Variants in UNC13C observed in about 807,000 individuals in gnomAD.
UNC13C encodes the protein protein unc-13 homolog C.
Under a neutral mutation model 245.4 loss-of-function variants are expected in UNC13C, and 174 were observed. The ratio of observed to expected loss-of-function variants is 0.71; its 90% CI spans 0.63 to 0.80. The LOEUF (loss-of-function observed/expected upper bound fraction) is 0.80. Among genes scored for constraint, UNC13C ranks in the 30% least tolerant of loss-of-function variants. UNC13C has a pLI of 0.00. For missense variants in UNC13C, 2,829 were observed against 2,602.9 expected, an observed-to-expected ratio of 1.09 and a Z score of -1.89; for synonymous variants, 992 against 895.1, an observed-to-expected ratio of 1.11 and a Z score of -1.93.
intron 18 of UNC13C, among the ~76,000 whole-genome samples, chr15:54,411,257 CAT>C (rs1245982864): frequency 1.3e-5 from 2 of 152,100 alleles, no homozygotes; most frequent in African/African-American, 4.8e-5. Context: ...TTATCAGTCA[CAT>C]GTTTTGCAAA....
At chr15:54,199,664 A>G (rs2141343114) in intron 4 of UNC13C, among the ~76,000 whole-genome samples, 1 of 152,256 alleles carries the variant, frequency 6.6e-6, no homozygotes, top group East Asian at 1.9e-4. Flanking sequence ...CACTACCAAG[A>G]CAGCACTACA....
At chr15:53,964,388 G>C in the UNC13C span, among the ~76,000 whole-genome samples, 1 of 152,138 alleles carries the variant, frequency 6.6e-6, no homozygotes, top group African/African-American at 2.4e-5. Context: ...ATTACACTTA[G>C]TACAAACACT....
chr15:54,537,193 T>G (rs2141159282), intron 26 of UNC13C, among the ~76,000 whole-genome samples: 1 of 152,028 alleles, frequency 6.6e-6, no homozygotes, highest in Non-Finnish European at 1.5e-5. Context: ...GCATCCAAAC[T>G]GAGAGCCAAA....
chr15:54,392,030 T>C (rs1044743982), intron 17 of UNC13C, among the ~76,000 whole-genome samples: 5 of 152,028 alleles, frequency 3.3e-5, no homozygotes, highest in Non-Finnish European at 2.9e-5. Context: ...TTAGAGTCTT[T>C]GAGTTTCTGG....
chr15:54,033,998 A>T (rs1436588095), intron 2 of UNC13C, among the ~76,000 whole-genome samples: 1 of 152,206 alleles, frequency 6.6e-6, no homozygotes, highest in South Asian at 2.1e-4. Context: ...AGAAAAGGAG[A>T]TACAGATAAT....
the UNC13C span, among the ~76,000 whole-genome samples, chr15:53,946,331 T>C: frequency 6.6e-6 from 1 of 152,188 alleles, no homozygotes; most frequent in African/African-American, 2.4e-5. Context: ...GGGGAATGCT[T>C]CCAGCTTTTG....
At chr15:54,269,954 G>A (rs1410131235) in intron 10 of UNC13C, among the ~76,000 whole-genome samples, 2 of 152,098 alleles carry the variant, frequency 1.3e-5, no homozygotes, top group African/African-American at 4.8e-5. Flanking sequence ...CCACTTTACT[G>A]ATAAAATATT....
At chr15:54,095,500 C>T (rs1899807787) in intron 2 of UNC13C, among the ~76,000 whole-genome samples, 1 of 152,170 alleles carries the variant, frequency 6.6e-6, no homozygotes, top group Admixed American at 6.5e-5. Flanking sequence ...TCCCACTTTG[C>T]AGCATGAAAA....
At chr15:54,380,429 A>C (rs2039698836) in intron 17 of UNC13C, among the ~76,000 whole-genome samples, 3 of 152,216 alleles carry the variant, frequency 2.0e-5, no homozygotes, top group Admixed American at 2.0e-4. Context: ...TGCTACAATG[A>C]ATATGGGAGT....
At chr15:54,601,668 T>A (rs1246698247) in intron 30 of UNC13C, among the ~76,000 whole-genome samples, 2 of 152,202 alleles carry the variant, frequency 1.3e-5, no homozygotes, top group African/African-American at 4.8e-5. Context: ...TATGCTTTTT[T>A]CCCTTTGGGG....
chr15:54,338,246 A>T, intron 16 of UNC13C, 115 bp from the exon 17 acceptor site: 1 of 1,230,972 alleles, frequency 8.1e-7, no homozygotes, highest in Non-Finnish European at 1.1e-6. Context: ...GATGACACTT[A>T]CTGAACATAG....
chr15:54,439,985 G>A (rs1890428954), intron 19 of UNC13C, among the ~76,000 whole-genome samples: 1 of 151,742 alleles, frequency 6.6e-6, no homozygotes, highest in South Asian at 2.1e-4. Flanking sequence ...CTCTCTCATG[G>A]TTTGGCTGTG....
chr15:54,446,253 T>G (rs1890807202), intron 19 of UNC13C, among the ~76,000 whole-genome samples: 1 of 152,240 alleles, frequency 6.6e-6, no homozygotes. Flanking sequence ...TTCTTTTTAC[T>G]TAGAATTGAC....
intron 17 of UNC13C, among the ~76,000 whole-genome samples, chr15:54,369,565 T>C (rs2039442387): frequency 6.6e-6 from 1 of 152,284 alleles, no homozygotes; most frequent in Non-Finnish European, 1.5e-5. Flanking sequence ...AGTTAGATAC[T>C]ATCTGCTATA....
intron 2 of UNC13C, among the ~76,000 whole-genome samples, chr15:54,048,247 T>C (rs1897124317): frequency 6.6e-6 from 1 of 152,212 alleles, no homozygotes; most frequent in Non-Finnish European, 1.5e-5. Context: ...GTAATTTCAA[T>C]CTCAATTTTG....
intron 4 of UNC13C, among the ~76,000 whole-genome samples, chr15:54,182,881 T>G (rs1172480775): frequency 1.3e-5 from 2 of 152,022 alleles, no homozygotes; most frequent in Admixed American, 6.6e-5. Context: ...ATATACAGCC[T>G]ATAACATATG....
At chr15:54,054,563 C>G (rs902796380) in intron 2 of UNC13C, among the ~76,000 whole-genome samples, 51 of 152,158 alleles carry the variant, frequency 3.4e-4, no homozygotes, top group African/African-American at 1.2e-3. Context: ...GCTGGATGTT[C>G]AGCATCTACT....
chr15:54,171,599 A>T (rs1179869203), intron 4 of UNC13C, among the ~76,000 whole-genome samples: 2 of 152,106 alleles, frequency 1.3e-5, no homozygotes, highest in African/African-American at 4.8e-5. Flanking sequence ...AAAGACAGAC[A>T]ATAACAAATG....
chr15:54,231,647 T>A (rs544945878), intron 4 of UNC13C, among the ~76,000 whole-genome samples: 1 of 152,212 alleles, frequency 6.6e-6, no homozygotes, highest in South Asian at 2.1e-4. Flanking sequence ...ATTATATCTG[T>A]CACCTAATAA....
Sources: gnomAD v4.1 joint callset for allele counts (sites outside exome capture counted in the v4.1 genomes callset) on GRCh38, gnomAD v4.1.1 for gene constraint, MANE v1.5 for transcripts, NCBI Gene and HGNC (gene_info 2026-07-23, HGNC 2026-07-21) for gene names.